The following CHCHD6 variants were observed in gnomAD, a reference collection of about 807,000 sequenced individuals.
CHCHD6 encodes coiled-coil-helix-coiled-coil-helix domain containing 6.
A neutral mutation model predicts 32.3 loss-of-function variants in CHCHD6; 28 were observed. That is an observed-to-expected ratio of 0.87 (90% CI 0.64 to 1.19). The LOEUF is 1.19. CHCHD6 is among the 50% of genes most tolerant of loss of function. CHCHD6 has a pLI of 0.00. For synonymous variants in CHCHD6, 122 were observed against 117.5 expected, an observed-to-expected ratio of 1.04 and a Z score of -0.25; for missense variants, 333 against 307.0, an observed-to-expected ratio of 1.08 and a Z score of -0.63.
At chr3:126,738,700 CA>C (rs1463815599) in intron 4 of CHCHD6, among the ~76,000 whole-genome samples, 1 of 152,168 alleles carries the variant, frequency 6.6e-6, no homozygotes, top group Non-Finnish European at 1.5e-5. Flanking sequence ...GATCCCATTG[CA>C]GTGCCCCATT....
At chr3:126,801,782 AC>A (rs1229761000) in intron 4 of CHCHD6, among the ~76,000 whole-genome samples, 1 of 152,118 alleles carries the variant, frequency 6.6e-6, no homozygotes, top group Non-Finnish European at 1.5e-5. Context: ...CTGACCCCTG[AC>A]CCCCGAGCAG....
At chr3:126,957,151 C>T (rs539700471) in intron 6 of CHCHD6, 1 of 535,186 alleles carries the variant, frequency 1.9e-6, no homozygotes, top group Non-Finnish European at 3.4e-6. Context: ...TGAAGGAGCC[C>T]GGTGTGGAGC....
chr3:126,829,448 G>C (rs1415064411), intron 4 of CHCHD6, among the ~76,000 whole-genome samples: 2 of 151,630 alleles, frequency 1.3e-5, no homozygotes, highest in Non-Finnish European at 2.9e-5. Context: ...CATTTTCCAG[G>C]GCCTTTAGAG....
At chr3:126,904,220 C>A (rs1469380047) in intron 5 of CHCHD6, among the ~76,000 whole-genome samples, 2 of 152,210 alleles carry the variant, frequency 1.3e-5, no homozygotes, top group African/African-American at 4.8e-5. Flanking sequence ...CCTCCTCTTA[C>A]AAATCACTGG....
chr3:126,710,630 C>A (rs1014530665), intron 1 of CHCHD6, among the ~76,000 whole-genome samples: 35 of 152,158 alleles, frequency 2.3e-4, no homozygotes, highest in Admixed American at 7.9e-4. Context: ...TTTTTACTTT[C>A]AGTGTACAAG....
At chr3:126,858,137 A>T (rs2107555358) in intron 5 of CHCHD6, among the ~76,000 whole-genome samples, 1 of 152,258 alleles carries the variant, frequency 6.6e-6, no homozygotes, top group Non-Finnish European at 1.5e-5. Flanking sequence ...AACTCCAGAC[A>T]CACTGCTGAG....
chr3:126,739,324 G>A (rs1936191017), intron 4 of CHCHD6, among the ~76,000 whole-genome samples: 1 of 151,416 alleles, frequency 6.6e-6, no homozygotes, highest in Non-Finnish European at 1.5e-5. Context: ...GCAGTCACAT[G>A]TGGTCTTTGC....
At chr3:126,785,015 C>T (rs1192761170) in intron 4 of CHCHD6, among the ~76,000 whole-genome samples, 4 of 152,070 alleles carry the variant, frequency 2.6e-5, no homozygotes, top group African/African-American at 9.7e-5. Context: ...TGTGATTATA[C>T]TTATATATTT....
intron 4 of CHCHD6, among the ~76,000 whole-genome samples, chr3:126,748,595 CAAA>C (rs11378109): frequency 3.5e-5 from 3 of 85,342 alleles, no homozygotes. Context: ...ACTACATCTC[CAAA>C]AAAAAAAAAA....
chr3:126,720,748 A>T (rs1172986773), intron 1 of CHCHD6, among the ~76,000 whole-genome samples: 1 of 152,120 alleles, frequency 6.6e-6, no homozygotes, highest in Non-Finnish European at 1.5e-5. Context: ...CTATGGAGAA[A>T]GATGTTCCAC....
chr3:126,767,074 C>T (rs1937402131), intron 4 of CHCHD6: 2 of 1,102,046 alleles, frequency 1.8e-6, no homozygotes, highest in Non-Finnish European at 2.8e-6. Flanking sequence ...TGTAGTTGTA[C>T]TCTGTCCGCC....
At chr3:126,764,625 C>G (rs1479808874) in intron 4 of CHCHD6, among the ~76,000 whole-genome samples, 1 of 152,166 alleles carries the variant, frequency 6.6e-6, no homozygotes, top group African/African-American at 2.4e-5. Flanking sequence ...CAGCTCCGCC[C>G]AGGGCGGCTC....
intron 6 of CHCHD6, among the ~76,000 whole-genome samples, chr3:126,917,326 C>T (rs2078185911): frequency 6.6e-6 from 1 of 152,174 alleles, no homozygotes; most frequent in Non-Finnish European, 1.5e-5. Flanking sequence ...ACAGCTGGTT[C>T]TGTGGCAGGG....
chr3:126,831,682 A>G (rs1234866973), intron 4 of CHCHD6, among the ~76,000 whole-genome samples: 1 of 152,220 alleles, frequency 6.6e-6, no homozygotes, highest in African/African-American at 2.4e-5. Flanking sequence ...AGGCTGGGAA[A>G]CAGGCTCATA....
chr3:126,916,195 G>T (rs2078167635), intron 6 of CHCHD6, among the ~76,000 whole-genome samples: 1 of 151,990 alleles, frequency 6.6e-6, no homozygotes, highest in Admixed American at 6.5e-5. Context: ...GAGGTCAAGA[G>T]TTCAAGATCA....
At chr3:126,938,119 T>G (rs949146115) in intron 6 of CHCHD6, among the ~76,000 whole-genome samples, 2 of 152,210 alleles carry the variant, frequency 1.3e-5, no homozygotes, top group African/African-American at 2.4e-5. Context: ...TTCTCTTGAT[T>G]TGTGAAAGTC....
chr3:126,934,808 C>G (rs1460532581), intron 6 of CHCHD6, among the ~76,000 whole-genome samples: 2 of 152,136 alleles, frequency 1.3e-5, no homozygotes, highest in Non-Finnish European at 2.9e-5. Flanking sequence ...CTCGGCCTCC[C>G]AGAGTGCTGG....
intron 5 of CHCHD6, among the ~76,000 whole-genome samples, chr3:126,908,236 A>C (rs1424676495): frequency 6.6e-6 from 1 of 152,206 alleles, no homozygotes; most frequent in Non-Finnish European, 1.5e-5. Flanking sequence ...CATTTGGAGA[A>C]ATGTTCTCAC....
intron 4 of CHCHD6, among the ~76,000 whole-genome samples, chr3:126,760,652 T>C (rs754774317): frequency 4.6e-5 from 7 of 152,244 alleles, no homozygotes; most frequent in Non-Finnish European, 1.0e-4. Flanking sequence ...GGTTTATCCG[T>C]GTTATAGCAT....
Sources: gnomAD v4.1 joint callset for allele counts (sites outside exome capture counted in the v4.1 genomes callset) on GRCh38, gnomAD v4.1.1 for gene constraint, MANE v1.5 for transcripts, NCBI Gene and HGNC (gene_info 2026-07-23, HGNC 2026-07-21) for gene names.